Variants in RPRML observed in about 807,000 individuals in gnomAD.
RPRML encodes reprimo-like protein.
In RPRML, 4 loss-of-function variants were observed where a neutral mutation model predicts 5.2. The observed-to-expected ratio is 0.77, with a 90% CI of 0.38 to 1.76. The LOEUF (loss-of-function observed/expected upper bound fraction) is 1.76. Ranked by LOEUF, RPRML falls within the 40% of genes most tolerant of loss-of-function variation. The pLI, the probability that RPRML is intolerant of heterozygous loss-of-function variation, is 0.04. For synonymous variants in RPRML, 79 were observed against 89.1 expected (o/e 0.89, Z 0.64); for missense variants, 181 against 177.7 (o/e 1.02, Z -0.11).
chr17:46,978,661 A>T lies in RPRML; in HGVS notation c.347T>A (p.Ile116Asn). The T allele has an allele frequency of 1.2e-6, 2 of 1,607,530 alleles. No individual in the cohort carries two copies. The highest frequency in any genetic ancestry group is 1.7e-4 in the Middle Eastern group (1 of 6,044). ...RRPSKDVGAAILGLY is the reference protein window; with the variant it reads ...RRPSKDVGAANLGLY ...AGATGGCGCTCAGTACAGCCCCAGG[A>T]TGGCTGCGCCCACGTCCTTGGAGGG... Residue 116 changes from isoleucine to asparagine, a missense_variant, in exon 1 of 1, where the codon ATC (isoleucine) becomes AAC (asparagine). Ile to Asn is a moderately radical substitution (Grantham distance 149, BLOSUM62 -3). Transcript: ENST00000322329.
Position 46,978,516 on chromosome 17 carries a change from C to G in RPRML, c.*129G>C, listed in dbSNP as rs2091464119. On this transcript the variant is annotated 3_prime_UTR_variant, in exon 1 of 1. Transcript: ENST00000322329. The stretch of plus-strand genomic sequence containing the variant: ...CCCCGCCGACAGTCTCGCCGCGTCC[C>G]CGCCCGGGCGCCCCAGGCACGTAGC... 1 of 1,168,736 alleles carries G rather than the reference C, an allele frequency of 8.6e-7. No individual in the cohort carries two copies. Among genetic ancestry groups the G allele is most frequent in the Non-Finnish European group, 1.2e-6 (1 of 861,880 alleles). The allele number at this position is 1,168,736 out of a possible 1,614,324, so 72.4% of individuals were successfully genotyped here. A position where few individuals can be genotyped will look rare whatever the true frequency, so the allele number is the denominator to read the frequency against.
Position 46,979,030 on chromosome 17 carries a change from C to T in RPRML, c.-23G>A, listed in dbSNP as rs890989218. 31 of 1,387,032 alleles carry T rather than the reference C, an allele frequency of 2.2e-5. No individual in the cohort carries two copies. Among genetic ancestry groups the T allele is most frequent in the Non-Finnish European group, 4.6e-6 (5 of 1,083,026 alleles). The allele number at this position is 1,387,032 out of a possible 1,614,324, so 85.9% of individuals were successfully genotyped here. A position where few individuals can be genotyped will look rare whatever the true frequency, so the allele number is the denominator to read the frequency against. On this transcript the variant is annotated 5_prime_UTR_variant, in exon 1 of 1. Transcript: ENST00000322329. ...CATCGCCGCGCGGCGCCGGGGGTCT[C>T]GGCGCGCAGTCCCGGGTGCACTGGG...
At position 46,978,624 on chromosome 17, in the gene RPRML, G is replaced by A. The variant is rs756478608; in HGVS notation, c.*21C>T. On this transcript the variant is annotated 3_prime_UTR_variant, in exon 1 of 1. Coordinates refer to ENST00000322329, the MANE Select transcript of RPRML (RefSeq NM_203400.5). ...GGGTCCTTCTTGCAGCAGCGCTGGC[G>A]AGGGCGGACCCAGATGGCGCTCAGT... 3.8e-6 allele frequency: 6 copies of A among 1,568,494 alleles called. No individual in the cohort carries two copies. Among genetic ancestry groups the A allele is most frequent in the Middle Eastern group, 1.7e-4 (1 of 5,960 alleles).
chr17:46,978,359 C>T lies in RPRML; in HGVS notation c.*286G>A. The T allele has an allele frequency of 2.2e-6, 1 of 445,052 alleles. No homozygotes were observed. Among genetic ancestry groups the T allele is most frequent in the Non-Finnish European group, 4.0e-6 (1 of 252,874 alleles). 27.6% of individuals were successfully genotyped at this position (445,052 alleles called of 1,614,324 possible). On this transcript the variant is annotated 3_prime_UTR_variant, in exon 1 of 1. Transcript: ENST00000322329. ...CAAATTGCATCTCCATACCCACTCC[C>T]ACCCTGCCCCGAACGTCTTAAAAAA...
rs562652222 is a variant in RPRML at position 46,978,722 on chromosome 17, C to T, written c.286G>A (p.Glu96Lys). The change falls in exon 1 of 1, where the codon GAG becomes AAG. Residue 96 changes from glutamate (E) to lysine (K), a missense_variant. Coordinates refer to ENST00000322329, the MANE Select transcript of RPRML (RefSeq NM_203400.5). Reference sequence around the variant, plus strand: ...TGCACCAGAAAGTTGATCATGCTCTCGGACTTGATGAGCAGGTTGCAGCCC... The same window carrying T: ...TGCACCAGAAAGTTGATCATGCTCTTGGACTTGATGAGCAGGTTGCAGCCC... ...FLGCNLLIKS[E>K]SMINFLVQER... 25 of 1,612,208 alleles carry T rather than the reference C, an allele frequency of 1.6e-5. No individual in the cohort carries two copies. Among genetic ancestry groups the T allele is most frequent in the Non-Finnish European group, 2.0e-5 (24 of 1,179,408 alleles).
Position 46,978,889 on chromosome 17 carries a change from G to T in RPRML, c.119C>A (p.Pro40Gln). The T allele has an allele frequency of 6.5e-7, 1 of 1,534,702 alleles. No individual in the cohort carries two copies. Among genetic ancestry groups the T allele is most frequent in the East Asian group, 2.5e-5 (1 of 40,720 alleles). Residue 40 changes from proline to glutamine, a missense_variant, in exon 1 of 1, where the codon CCA (proline) becomes CAA (glutamine). By Grantham distance (76) the Pro-to-Gln change is moderately conservative. Transcript: ENST00000322329. ...HGLGTWLGCC[P>Q]GGAPLAASDG... ...GCTGGCGGCCAGCGGTGCGCCCCCT[G>T]GACAGCAGCCCAGCCACGTGCCCAG...
In RPRML at chr17:46,978,393, C is replaced by A. The variant is rs1399667543; in HGVS notation, c.*252G>T. ...CCGAACGTCTTAAAAAACAAACAAACAAAAAAAACTGGTAAGAACCCTCAC... is the reference window on the plus strand; with the variant it reads ...CCGAACGTCTTAAAAAACAAACAAAAAAAAAAAACTGGTAAGAACCCTCAC... On this transcript the variant is annotated 3_prime_UTR_variant, in exon 1 of 1. Coordinates refer to ENST00000322329, the MANE Select transcript of RPRML (RefSeq NM_203400.5). 313 of 439,198 alleles carry A rather than the reference C, an allele frequency of 7.1e-4. 1 individual carries two copies. The highest frequency in any genetic ancestry group is 2.2e-3 in the Admixed American group (48 of 21,736). 27.2% of individuals were successfully genotyped at this position (439,198 alleles called of 1,614,324 possible).
In RPRML at chr17:46,978,381, A is replaced by AAAAC. The variant is rs199695818; in HGVS notation, c.*260_*263dup. 2,957 of 368,366 alleles carry AAAAC rather than the reference A, an allele frequency of 8.0e-3. 22 individuals carry two copies. Among genetic ancestry groups the AAAAC allele is most frequent in the Non-Finnish European group, 0.011 (2,415 of 217,580 alleles). The allele number at this position is 368,366 out of a possible 1,614,324, so 22.8% of individuals were successfully genotyped here. A position where few individuals can be genotyped will look rare whatever the true frequency, so the allele number is the denominator to read the frequency against. On this transcript the variant is annotated 3_prime_UTR_variant, in exon 1 of 1. Coordinates refer to ENST00000322329, the MANE Select transcript of RPRML (RefSeq NM_203400.5). ...TCCCACCCTGCCCCGAACGTCTTAAAAAACAAACAAACAAAAAAAACTGGT... is the reference window on the plus strand; with the variant it reads ...TCCCACCCTGCCCCGAACGTCTTAAAAAACAAACAAACAAACAAAAAAAACTGGT...
Position 46,978,580 on chromosome 17 carries a change from G to T in RPRML, c.*65C>A. ...GCGGCGGCAGAGCGCAGAGAGCGGG[G>T]CGAGGGTCCGGGTCTCCGGGGTCCT... On this transcript the variant is annotated 3_prime_UTR_variant, in exon 1 of 1. Transcript: ENST00000322329. 2 of 1,517,072 alleles carry T rather than the reference G, an allele frequency of 1.3e-6. No homozygotes were observed. The highest frequency in any genetic ancestry group is 1.8e-6 in the Non-Finnish European group (2 of 1,133,008). The allele number at this position is 1,517,072 out of a possible 1,614,324, so 94.0% of individuals were successfully genotyped here.
chr17:46,979,183 C>T lies in RPRML; in HGVS notation c.-176G>A. 1 of 631,850 alleles carries T rather than the reference C, an allele frequency of 1.6e-6. No homozygotes were observed. The allele number at this position is 631,850 out of a possible 1,614,324, so 39.1% of individuals were successfully genotyped here. A position where few individuals can be genotyped will look rare whatever the true frequency, so the allele number is the denominator to read the frequency against. On this transcript the variant is annotated 5_prime_UTR_variant, in exon 1 of 1. Coordinates refer to ENST00000322329, the MANE Select transcript of RPRML (RefSeq NM_203400.5). ...TCTCGGGCCGCCTACCCCTGGGCACCGGGCGGGAAGCGACCGCCCGGAGGA... is the reference window on the plus strand; with the variant it reads ...TCTCGGGCCGCCTACCCCTGGGCACTGGGCGGGAAGCGACCGCCCGGAGGA...
In RPRML at chr17:46,978,668, C is replaced by A. The variant is rs890755084; in HGVS notation, c.340G>T (p.Ala114Ser). ...QERRPSKDVG[A>S]AILGLY is the part of the protein sequence containing the mutation. ...GCTCAGTACAGCCCCAGGATGGCTGCGCCCACGTCCTTGGAGGGCCGGCGC... is the reference window on the plus strand; with the variant it reads ...GCTCAGTACAGCCCCAGGATGGCTGAGCCCACGTCCTTGGAGGGCCGGCGC... The change falls in exon 1 of 1, where the codon GCA becomes TCA. Residue 114 changes from alanine (A) to serine (S), a missense_variant. By Grantham distance (99) the Ala-to-Ser change is moderately conservative. Transcript: ENST00000322329. The A allele has an allele frequency of 5.0e-6, 8 of 1,608,428 alleles. No individual in the cohort carries two copies. Among genetic ancestry groups the A allele is most frequent in the Non-Finnish European group, 6.8e-6 (8 of 1,178,032 alleles).
In RPRML at chr17:46,978,812, G is replaced by A; in HGVS notation, c.196C>T (p.Arg66Trp). Residue 66 changes from arginine (R) to tryptophan (W), a missense_variant, in exon 1 of 1, where the codon CGG becomes TGG. Physicochemically the swap from Arg to Trp is moderately radical, Grantham distance 101. Coordinates refer to ENST00000322329, the MANE Select transcript of RPRML (RefSeq NM_203400.5). ...APDERSLWVS[R>W]VAQIAVLCVL... is the part of the protein sequence containing the mutation. ...CAGAGCACGGCGATCTGCGCCACCC[G>A]CGACACCCACAGGCTGCGCTCGTCG... is the stretch of plus-strand genomic sequence containing the variant. 6.2e-7 allele frequency: 1 copy of A among 1,610,710 alleles called. No individual in the cohort carries two copies. The highest frequency in any genetic ancestry group is 1.1e-5 in the South Asian group (1 of 90,768).
chr17:46,978,536 C>G lies in RPRML; in HGVS notation c.*109G>C. On this transcript the variant is annotated 3_prime_UTR_variant, in exon 1 of 1. Transcript: ENST00000322329. ...CGTCCCCGCCCGGGCGCCCCAGGCA[C>G]GTAGCTGCCCGCCCGGAGGCGGCGG... is the stretch of plus-strand genomic sequence containing the variant. 2.2e-6 allele frequency: 3 copies of G among 1,394,020 alleles called. No homozygotes were observed. The highest frequency in any genetic ancestry group is 1.9e-6 in the Non-Finnish European group (2 of 1,051,296). The allele number at this position is 1,394,020 out of a possible 1,614,324, so 86.4% of individuals were successfully genotyped here. A position where few individuals can be genotyped will look rare whatever the true frequency, so the allele number is the denominator to read the frequency against.
rs1389933131 is a variant in RPRML, at chr17:46,978,389, C to CA, written c.*255dup. The CA allele has an allele frequency of 8.0e-6, 3 of 372,972 alleles. No individual in the cohort carries two copies. The highest frequency in any genetic ancestry group is 9.0e-5 in the Admixed American group (1 of 11,144). 23.1% of individuals were successfully genotyped at this position (372,972 alleles called of 1,614,324 possible). A position where few individuals can be genotyped will look rare whatever the true frequency, so the allele number is the denominator to read the frequency against. ...TGCCCCGAACGTCTTAAAAAACAAA[C>CA]AAACAAAAAAAACTGGTAAGAACCC... On this transcript the variant is annotated 3_prime_UTR_variant, in exon 1 of 1. Coordinates refer to ENST00000322329, the MANE Select transcript of RPRML (RefSeq NM_203400.5).
rs2091464919 is a variant in RPRML, at chr17:46,978,588, C to T, written c.*57G>A. 3 of 1,529,470 alleles carry T rather than the reference C, an allele frequency of 2.0e-6. No individual in the cohort carries two copies. Among genetic ancestry groups the T allele is most frequent in the East Asian group, 2.6e-5 (1 of 38,950 alleles). The allele number at this position is 1,529,470 out of a possible 1,614,324, so 94.7% of individuals were successfully genotyped here. Reference sequence around the variant, plus strand: ...AGAGCGCAGAGAGCGGGGCGAGGGTCCGGGTCTCCGGGGTCCTTCTTGCAG... The same window carrying T: ...AGAGCGCAGAGAGCGGGGCGAGGGTTCGGGTCTCCGGGGTCCTTCTTGCAG... On this transcript the variant is annotated 3_prime_UTR_variant, in exon 1 of 1. Coordinates refer to ENST00000322329, the MANE Select transcript of RPRML (RefSeq NM_203400.5).
chr17:46,979,148 G>T lies in RPRML; in HGVS notation c.-141C>A. ...AGGGGACGAAGGCGGGAGGCTGGCTGCCTGCGCGCTCTCGGGCCGCCTACC... is the reference window on the plus strand; with the variant it reads ...AGGGGACGAAGGCGGGAGGCTGGCTTCCTGCGCGCTCTCGGGCCGCCTACC... On this transcript the variant is annotated 5_prime_UTR_variant, in exon 1 of 1. Coordinates refer to ENST00000322329, the MANE Select transcript of RPRML (RefSeq NM_203400.5). 1 of 935,966 alleles carries T rather than the reference G, an allele frequency of 1.1e-6. No homozygotes were observed. The highest frequency in any genetic ancestry group is 1.4e-6 in the Non-Finnish European group (1 of 697,620). The allele number at this position is 935,966 out of a possible 1,614,324, so 58.0% of individuals were successfully genotyped here.
Position 46,978,752 on chromosome 17 carries a change from A to T in RPRML, c.256T>A (p.Phe86Ile). The T allele has an allele frequency of 6.2e-7, 1 of 1,612,668 alleles. No individual in the cohort carries two copies. Among genetic ancestry groups the T allele is most frequent in the South Asian group, 1.1e-5 (1 of 91,008 alleles). ...LSLTVVFGVF[F>I]LGCNLLIKSE... ...TTGATGAGCAGGTTGCAGCCCAGGA[A>T]GAAGACGCCGAAGACCACGGTAAGC... is the stretch of plus-strand genomic sequence containing the variant. Residue 86 changes from phenylalanine to isoleucine, a missense_variant, in exon 1 of 1, where the codon TTC becomes ATC. Coordinates refer to ENST00000322329, the MANE Select transcript of RPRML (RefSeq NM_203400.5).
In RPRML at chr17:46,978,849, C is replaced by T. The variant is rs200971595; in HGVS notation, c.159G>A (p.Ala53=). Residue 53 remains alanine, a synonymous_variant, in exon 1 of 1, where the codon GCG becomes GCA. Transcript: ENST00000322329. ...APLAASDGVP[A]GLAPDERSLW... ...GGCTGCGCTCGTCGGGCGCCAGCCCCGCGGGGACCCCGTCGCTGGCGGCCA... is the reference window on the plus strand; with the variant it reads ...GGCTGCGCTCGTCGGGCGCCAGCCCTGCGGGGACCCCGTCGCTGGCGGCCA... 782 of 1,594,836 alleles carry T rather than the reference C, an allele frequency of 4.9e-4. 5 individuals carry two copies. The African/African-American group carries it at 9.7e-3, about 20-fold the overall frequency.
chr17:46,978,566 G>A lies in RPRML; in HGVS notation c.*79C>T, dbSNP rs1346268498. 1.4e-6 allele frequency: 2 copies of A among 1,480,004 alleles called. No individual in the cohort carries two copies. Among genetic ancestry groups the A allele is most frequent in the Non-Finnish European group, 1.8e-6 (2 of 1,111,174 alleles). The allele number at this position is 1,480,004 out of a possible 1,614,324, so 91.7% of individuals were successfully genotyped here. A position where few individuals can be genotyped will look rare whatever the true frequency, so the allele number is the denominator to read the frequency against. ...CTGCCCGCCCGGAGGCGGCGGCAGA[G>A]CGCAGAGAGCGGGGCGAGGGTCCGG... On this transcript the variant is annotated 3_prime_UTR_variant, in exon 1 of 1. Transcript: ENST00000322329.
Sources: allele counts gnomAD v4.1 joint callset, GRCh38; gene constraint gnomAD v4.1.1; transcripts MANE v1.5; gene names NCBI Gene and HGNC (gene_info 2026-07-23, HGNC 2026-07-21).